The following ZNF713 variants were observed in gnomAD, a reference collection of about 807,000 sequenced individuals.
ZNF713 encodes the protein zinc finger protein 713.
ZNF713 carries 21 observed loss-of-function variants against 28.7 expected under a neutral mutation model. The observed-to-expected ratio is 0.73, with a 90% confidence interval of 0.52 to 1.05. The LOEUF is 1.05. ZNF713 is among the 50% of genes least tolerant of loss of function. The pLI is 0.00. For synonymous variants in ZNF713, 167 were observed against 178.0 expected (o/e 0.94, Z 0.49); for missense variants, 458 against 532.4 (o/e 0.86, Z 1.37).
chr7:55,904,161 G>C lies in ZNF713; in HGVS notation c.-582-2092G>C, dbSNP rs1460407009. 2.9e-5 allele frequency among the ~76,000 whole-genome samples: 3 copies of C among 104,202 alleles called. 1 individual carries two copies. The highest frequency in any genetic ancestry group is 6.5e-5 in the Non-Finnish European group (3 of 46,344). The allele number at this position is 104,202 out of a possible 152,430, so 68.4% of individuals were successfully genotyped here. A position where few individuals can be genotyped will look rare whatever the true frequency, so the allele number is the denominator to read the frequency against. On this transcript the variant is annotated intron_variant, in intron 1 of 6. Transcript: ENST00000429591. ...TCACCAGTCACCCGTATCAGATACT[G>C]TCTTGGAAGAAGTAATGAGGTCAGG...
At chr7:55,908,693 T>C (rs1258359182) in intron 2 of ZNF713, among the ~76,000 whole-genome samples, 2 of 152,174 alleles carry the variant, frequency 1.3e-5, no homozygotes, top group Non-Finnish European at 2.9e-5. Flanking sequence ...GTCTGTTTAC[T>C]GTGTTGAAAA....
rs753939149 is a variant in ZNF713, at chr7:55,939,024, A to G, written c.350A>G (p.Gln117Arg). ...RPEIKKSTTS[Q>R]NISDENQTHE... Reference sequence around the variant, plus strand: ...GAAATCAAAAAGTCAACCACAAGCCAGAATATTTCTGATGAAAATCAAACC... The same window carrying G: ...GAAATCAAAAAGTCAACCACAAGCCGGAATATTTCTGATGAAAATCAAACC... The change falls in exon 7 of 7, where the codon CAG becomes CGG. Residue 117 changes from glutamine (Q) to arginine (R), a missense_variant. Gln to Arg is a conservative substitution (Grantham distance 43). Transcript: ENST00000429591. 1.2e-6 allele frequency: 2 copies of G among 1,600,638 alleles called. No individual in the cohort carries two copies. The highest frequency in any genetic ancestry group is 3.5e-5 in the Admixed American group (2 of 57,122).
chr7:55,887,803 G>GGGGCGGCGGGCGGGGGGCGGC, intron 1 of ZNF713, 123 bp downstream of exon 1: 1 of 7,564 alleles, frequency 1.3e-4, no homozygotes, highest in Non-Finnish European at 2.9e-4. Flanking sequence ...GCGGAGGCGG[G>GGGGCGGCGGGCGGGGGGCGGC]GGGCGGCGGG....
intron 6 of ZNF713, among the ~76,000 whole-genome samples, chr7:55,936,932 C>T (rs188766562): frequency 8.5e-5 from 13 of 152,224 alleles, no homozygotes; most frequent in Admixed American, 5.2e-4. Context: ...GAAGCCACTC[C>T]GCCATACAAA....
intron 6 of ZNF713, among the ~76,000 whole-genome samples, chr7:55,927,186 G>A (rs1562746411): frequency 1.3e-5 from 2 of 151,818 alleles, no homozygotes; most frequent in Admixed American, 6.6e-5. Context: ...GTGAGGAGTG[G>A]GAAGGGGAAA....
chr7:55,928,273 T>A (rs1786141069), intron 6 of ZNF713, among the ~76,000 whole-genome samples: 1 of 152,154 alleles, frequency 6.6e-6, no homozygotes, highest in South Asian at 2.1e-4. Context: ...TCCTGTTATA[T>A]TTAACACTGG....
At chr7:55,905,254 G>A (rs1361382659) in intron 1 of ZNF713, among the ~76,000 whole-genome samples, 1 of 152,140 alleles carries the variant, frequency 6.6e-6, no homozygotes. Context: ...CACTTGTGGG[G>A]CATTTAAAAA....
chr7:55,914,487 A>G (rs1364174300), intron 4 of ZNF713, among the ~76,000 whole-genome samples: 4 of 152,086 alleles, frequency 2.6e-5, no homozygotes, highest in African/African-American at 7.2e-5. Flanking sequence ...GAGCCACCAC[A>G]CACAGCGTGG....
intron 1 of ZNF713, among the ~76,000 whole-genome samples, chr7:55,900,566 G>A (rs113335086): frequency 6.6e-6 from 1 of 152,166 alleles, no homozygotes; most frequent in Admixed American, 6.6e-5. Flanking sequence ...GAACCTGGAG[G>A]ACATTGTATT....
At chr7:55,887,817 C>A (rs1201948972) in intron 1 of ZNF713, 137 bp downstream of exon 1, 117 of 1,258 alleles carry the variant, frequency 0.093, 36 homozygotes, top group African/African-American at 0.21. Context: ...CGGCGGGCGG[C>A]GGGCGGCGGG....
chr7:55,909,196 CAAAA>C (rs71015121), intron 2 of ZNF713, among the ~76,000 whole-genome samples: 2 of 53,374 alleles, frequency 3.7e-5, no homozygotes, highest in African/African-American at 7.2e-5. Flanking sequence ...AAGACTCCGT[CAAAA>C]AAAAAAAAAA....
At chr7:55,901,220 C>A (rs1785570012) in intron 1 of ZNF713, among the ~76,000 whole-genome samples, 1 of 152,066 alleles carries the variant, frequency 6.6e-6, no homozygotes, top group Non-Finnish European at 1.5e-5. Flanking sequence ...CAAGGAGGAG[C>A]AAGTCACATC....
chr7:55,933,087 AT>A (rs1179834562), intron 6 of ZNF713, among the ~76,000 whole-genome samples: 1 of 149,062 alleles, frequency 6.7e-6, no homozygotes, highest in African/African-American at 2.5e-5. Flanking sequence ...AATACAAAAA[AT>A]TAGCTGGGCG....
chr7:55,936,614 C>T (rs1316464246), intron 6 of ZNF713, among the ~76,000 whole-genome samples: 4 of 152,130 alleles, frequency 2.6e-5, no homozygotes, highest in Non-Finnish European at 1.5e-5. Context: ...GAAGCTGACC[C>T]ACTCAGAAAG....
intron 4 of ZNF713, among the ~76,000 whole-genome samples, chr7:55,922,814 A>G (rs1035531230): frequency 6.6e-6 from 1 of 152,192 alleles, no homozygotes; most frequent in South Asian, 2.1e-4. Flanking sequence ...CAACAAATTC[A>G]TGTGACTCAC....
intron 4 of ZNF713, among the ~76,000 whole-genome samples, chr7:55,915,559 CTG>C (rs755517852): frequency 6.6e-6 from 1 of 152,050 alleles, no homozygotes; most frequent in African/African-American, 2.4e-5. Context: ...CAGGGAGAAA[CTG>C]TGGGGAAGTG....
chr7:55,915,871 A>G (rs577408694), intron 4 of ZNF713, among the ~76,000 whole-genome samples: 14 of 152,196 alleles, frequency 9.2e-5, no homozygotes, highest in East Asian at 1.9e-4. Flanking sequence ...AAGTAATCCA[A>G]TTCTACATTA....
chr7:55,913,780 AT>A (rs1354634230), intron 4 of ZNF713, among the ~76,000 whole-genome samples: 1 of 152,146 alleles, frequency 6.6e-6, no homozygotes, highest in Non-Finnish European at 1.5e-5. Flanking sequence ...CTGTTGCATT[AT>A]AGGTATGAGC....
chr7:55,938,182 C>T (rs368953223), intron 6 of ZNF713, among the ~76,000 whole-genome samples: 2 of 151,560 alleles, frequency 1.3e-5, no homozygotes, highest in Admixed American at 6.6e-5. Flanking sequence ...CCAGCCTGGG[C>T]GATAGAGTGA....
Sources: gnomAD v4.1 joint callset for allele counts (sites outside exome capture counted in the v4.1 genomes callset) on GRCh38, gnomAD v4.1.1 for gene constraint, MANE v1.5 for transcripts, NCBI Gene and HGNC (gene_info 2026-07-23, HGNC 2026-07-21) for gene names.